The following CPNE4 variants were observed in gnomAD, a reference collection of about 807,000 sequenced individuals.
CPNE4 encodes copine-4.
In CPNE4, 25 loss-of-function variants were observed where a neutral mutation model predicts 67.9. The observed-to-expected ratio is 0.37, with a 90% CI of 0.27 to 0.51. The LOEUF is 0.51. Among genes scored for constraint, CPNE4 ranks in the 20% least tolerant of loss-of-function variants. The pLI is 0.93. For missense variants in CPNE4, 464 were observed against 690.8 expected, an observed-to-expected ratio of 0.67 and a Z score of 3.68; for synonymous variants, 242 against 244.9, an observed-to-expected ratio of 0.99 and a Z score of 0.11.
At chr3:131,923,793 C>T (rs1026996266) in intron 1 of CPNE4, among the ~76,000 whole-genome samples, 19 of 149,788 alleles carry the variant, frequency 1.3e-4, no homozygotes, top group African/African-American at 3.9e-4. Flanking sequence ...AAAGATGCCT[C>T]ATGTGGGCTA....
At chr3:131,555,290 A>T (rs1279463837) in intron 12 of CPNE4, among the ~76,000 whole-genome samples, 1 of 152,030 alleles carries the variant, frequency 6.6e-6, no homozygotes, top group Non-Finnish European at 1.5e-5. Flanking sequence ...CTCTGAGAAG[A>T]CCCATCCAAA....
At chr3:131,599,939 A>G (rs1490615667) in intron 7 of CPNE4, among the ~76,000 whole-genome samples, 2 of 152,208 alleles carry the variant, frequency 1.3e-5, no homozygotes, top group African/African-American at 4.8e-5. Context: ...AGCAAGGAAT[A>G]TAATGACATG....
intron 2 of CPNE4, among the ~76,000 whole-genome samples, chr3:131,792,708 C>CGTGTGTATATATGTATATATATACACGT (rs371058106): frequency 1.5e-5 from 1 of 67,224 alleles, no homozygotes; most frequent in Non-Finnish European, 3.0e-5. Flanking sequence ...TATACACACA[C>CGTGTGTATATATGTATATATATACACGT]GTGTATATAT....
intron 7 of CPNE4, among the ~76,000 whole-genome samples, chr3:131,596,253 A>G (rs1438336713): frequency 6.6e-6 from 1 of 152,174 alleles, no homozygotes; most frequent in Non-Finnish European, 1.5e-5. Context: ...TGCGTATGTC[A>G]AAAGTCATCA....
intron 4 of CPNE4, among the ~76,000 whole-genome samples, chr3:131,698,468 A>T (rs2081212602): frequency 6.6e-6 from 1 of 151,992 alleles, no homozygotes; most frequent in African/African-American, 2.4e-5. Context: ...GAACACTTTG[A>T]TTCATGACTG....
intron 7 of CPNE4, among the ~76,000 whole-genome samples, chr3:131,630,842 G>A (rs566303091): frequency 6.6e-5 from 10 of 152,332 alleles, no homozygotes; most frequent in Admixed American, 3.3e-4. Context: ...TATAGTAGAT[G>A]TAGAGATAGG....
chr3:131,583,658 G>A (rs1353341699), intron 8 of CPNE4, among the ~76,000 whole-genome samples: 2 of 152,190 alleles, frequency 1.3e-5, no homozygotes, highest in East Asian at 3.8e-4. Context: ...AGGGCTCCAA[G>A]GAAGTTGAAT....
intron 1 of CPNE4, among the ~76,000 whole-genome samples, chr3:131,911,266 C>T (rs559480577): frequency 1.8e-4 from 12 of 66,722 alleles, no homozygotes; most frequent in African/African-American, 5.5e-4. Flanking sequence ...CAGTCCAACA[C>T]GCTGAAAGGA....
intron 8 of CPNE4, among the ~76,000 whole-genome samples, chr3:131,586,161 T>A (rs1010060606): frequency 5.3e-5 from 8 of 152,166 alleles, no homozygotes; most frequent in African/African-American, 1.9e-4. Context: ...CAGAGTATTA[T>A]CTCTAAAGAA....
At chr3:131,728,097 T>A (rs1378761506) in intron 2 of CPNE4, among the ~76,000 whole-genome samples, 1 of 152,224 alleles carries the variant, frequency 6.6e-6, no homozygotes, top group Non-Finnish European at 1.5e-5. Context: ...TTTGCTTAAC[T>A]TTTTAAGTTC....
At chr3:131,789,035 C>CACACACACAGAG (rs1553771459) in intron 2 of CPNE4, among the ~76,000 whole-genome samples, 8 of 137,404 alleles carry the variant, frequency 5.8e-5, no homozygotes, top group African/African-American at 2.2e-4. Context: ...CACACACACA[C>CACACACACAGAG]AGAGAGAGAG....
In CPNE4 at chr3:131,924,184, T is replaced by C. The variant is rs116626495; in HGVS notation, c.-1-18740A>G. Among the ~76,000 whole-genome samples, 107 of 152,322 alleles carry C rather than the reference T, an allele frequency of 7.0e-4. 1 individual carries two copies. The highest frequency in any genetic ancestry group is 2.5e-3 in the African/African-American group (105 of 41,566). ...TATAGCTAACGATAGCCACATGACA[T>C]ATCTTGTCTCCCTTACAGCTGCTAA... On this transcript the variant is annotated intron_variant, in intron 1 of 15. Coordinates refer to ENST00000429747, the MANE Select transcript of CPNE4 (RefSeq NM_130808.3).
intron 1 of CPNE4, among the ~76,000 whole-genome samples, chr3:131,928,318 T>TA (rs11346394): frequency 3.7e-4 from 56 of 151,844 alleles, no homozygotes; most frequent in African/African-American, 6.0e-4. Flanking sequence ...CCTCTTTTCT[T>TA]AAAAAAAATG....
intron 6 of CPNE4, among the ~76,000 whole-genome samples, chr3:131,673,426 G>A (rs555636457): frequency 1.6e-4 from 24 of 152,118 alleles, no homozygotes; most frequent in Non-Finnish European, 1.9e-4. Flanking sequence ...GCTTTGGGTA[G>A]TATGCACATT....
chr3:131,932,142 C>T (rs1001552060), intron 1 of CPNE4, among the ~76,000 whole-genome samples: 36 of 152,282 alleles, frequency 2.4e-4, no homozygotes, highest in Middle Eastern at 3.4e-3. Flanking sequence ...TAGGTTTGGA[C>T]AGGAGGACAG....
intron 1 of CPNE4, among the ~76,000 whole-genome samples, chr3:132,029,697 CCCT>C (rs1441484487): frequency 6.6e-6 from 1 of 152,154 alleles, no homozygotes; most frequent in East Asian, 1.9e-4. Flanking sequence ...TGTATTTTCC[CCCT>C]GACATTTCCA....
intron 1 of CPNE4, among the ~76,000 whole-genome samples, chr3:131,997,965 A>G (rs2073337867): frequency 6.6e-6 from 1 of 152,184 alleles, no homozygotes; most frequent in South Asian, 2.1e-4. Flanking sequence ...TGAAGAGGGC[A>G]GAGCCCTTAT....
intron 7 of CPNE4, among the ~76,000 whole-genome samples, chr3:131,634,450 C>T (rs1372172558): frequency 6.6e-6 from 1 of 152,158 alleles, no homozygotes; most frequent in Non-Finnish European, 1.5e-5. Flanking sequence ...TTTATCAACA[C>T]AATCCAATTC....
intron 2 of CPNE4, among the ~76,000 whole-genome samples, chr3:131,799,918 GT>G (rs376845135): frequency 0.13 from 8,866 of 66,738 alleles, 487 homozygotes; most frequent in African/African-American, 0.28. Context: ...GTGTGTGTGT[GT>G]TGTGTGTGTG....
Sources: gnomAD v4.1 joint callset for allele counts (sites outside exome capture counted in the v4.1 genomes callset) on GRCh38, gnomAD v4.1.1 for gene constraint, MANE v1.5 for transcripts, NCBI Gene and HGNC (gene_info 2026-07-23, HGNC 2026-07-21) for gene names.